SCAPER: variants seen among roughly 807,000 people sequenced by gnomAD.
SCAPER encodes the protein S phase cyclin A-associated protein in the endoplasmic reticulum.
SCAPER carries 98 observed loss-of-function variants against 182.2 expected under a neutral mutation model. That is an observed-to-expected ratio of 0.54 (90% CI 0.46 to 0.64). The LOEUF is 0.64. SCAPER is among the 30% of genes least tolerant of loss of function. The pLI, the probability that SCAPER is intolerant of heterozygous loss-of-function variation, is 0.00. For synonymous variants in SCAPER, 605 were observed against 564.6 expected, an observed-to-expected ratio of 1.07 and a Z score of -1.01; for missense variants, 1,432 against 1,690.0, an observed-to-expected ratio of 0.85 and a Z score of 2.68.
chr15:76,612,770 G>C (rs1225574798), intron 22 of SCAPER, among the ~76,000 whole-genome samples: 1 of 152,148 alleles, frequency 6.6e-6, no homozygotes, highest in Non-Finnish European at 1.5e-5. Context: ...AGAAATCAGA[G>C]ATGACACAAA....
At chr15:76,406,520 C>T (rs1358536865) in intron 26 of SCAPER, among the ~76,000 whole-genome samples, 3 of 151,708 alleles carry the variant, frequency 2.0e-5, no homozygotes, top group African/African-American at 4.8e-5. Flanking sequence ...AAGTAGCTTA[C>T]GCTTGTAATC....
At chr15:76,537,972 T>G (rs1033713403) in intron 23 of SCAPER, among the ~76,000 whole-genome samples, 3 of 151,712 alleles carry the variant, frequency 2.0e-5, no homozygotes, top group African/African-American at 7.3e-5. Flanking sequence ...AAAATGCTCA[T>G]CATCACTGGC....
chr15:76,404,252 G>A (rs1377023205), intron 27 of SCAPER, among the ~76,000 whole-genome samples: 1 of 152,110 alleles, frequency 6.6e-6, no homozygotes, highest in East Asian at 1.9e-4. Context: ...GATCTCAGTG[G>A]AAGAGGGACT....
intron 5 of SCAPER, among the ~76,000 whole-genome samples, chr15:76,815,574 G>A (rs2067007553): frequency 6.6e-6 from 1 of 152,176 alleles, no homozygotes; most frequent in Admixed American, 6.5e-5. Context: ...ATTGCTCCTA[G>A]GCTACAAACC....
chr15:76,879,543 CT>C (rs781445546), intron 2 of SCAPER, among the ~76,000 whole-genome samples: 3 of 152,144 alleles, frequency 2.0e-5, no homozygotes, highest in African/African-American at 7.2e-5. Context: ...TGCTAAGCAT[CT>C]AGGGATCATA....
At chr15:76,670,044 A>G (rs1567753009) in intron 20 of SCAPER, among the ~76,000 whole-genome samples, 1 of 152,206 alleles carries the variant, frequency 6.6e-6, no homozygotes, top group Admixed American at 6.5e-5. Context: ...ACATATTCAC[A>G]TACAAAACCA....
chr15:76,769,067 G>T (rs1419662619), intron 10 of SCAPER, among the ~76,000 whole-genome samples: 2 of 151,986 alleles, frequency 1.3e-5, no homozygotes, highest in African/African-American at 4.8e-5. Flanking sequence ...CTACAGAATG[G>T]AGAAAATTTT....
chr15:76,551,547 G>T (rs1327188471), intron 23 of SCAPER, among the ~76,000 whole-genome samples: 1 of 152,128 alleles, frequency 6.6e-6, no homozygotes, highest in Non-Finnish European at 1.5e-5. Flanking sequence ...TGGCTACTGG[G>T]GAGGGTAGCA....
At chr15:76,834,359 G>A (rs145378106) in intron 5 of SCAPER, among the ~76,000 whole-genome samples, 18 of 152,246 alleles carry the variant, frequency 1.2e-4, no homozygotes, top group African/African-American at 3.6e-4. Context: ...ATAGTAAGAG[G>A]AAAGTTTATA....
At chr15:76,517,190 C>G (rs1310819680) in intron 23 of SCAPER, among the ~76,000 whole-genome samples, 1 of 151,932 alleles carries the variant, frequency 6.6e-6, no homozygotes, top group African/African-American at 2.4e-5. Context: ...TTTATAAAAT[C>G]TTGGGCTACT....
chr15:76,668,791 G>T (rs1598046662), intron 20 of SCAPER, among the ~76,000 whole-genome samples: 1 of 152,234 alleles, frequency 6.6e-6, no homozygotes, highest in African/African-American at 2.4e-5. Context: ...CTGGCATATG[G>T]CAAGCACTCA....
At position 76,354,134 on chromosome 15, in the gene SCAPER, C is replaced by T. The variant is rs757819578; in HGVS notation, c.3862G>A (p.Val1288Met). Residue 1288 changes from valine (V) to methionine (M), a missense_variant, in exon 30 of 32, where the codon GTG (valine) becomes ATG (methionine). Around this residue, in one of 5 missense-constraint regions of SCAPER, gnomAD observed 718 missense variants for 799.7 expected, o/e 0.90. Transcript: ENST00000563290. The surrounding 1 kb of genome is among the most constrained non-coding windows in gnomAD (Gnocchi z 4.4). ...TVNHPDNQVI[V>M]QSGRHPTVLQ... Reference sequence around the variant, plus strand: ...ACTGTGGGGTGGCGGCCGGACTGCACGATCACCTGAAATGGAAGAGCAGCC... The same window carrying T: ...ACTGTGGGGTGGCGGCCGGACTGCATGATCACCTGAAATGGAAGAGCAGCC... 3.4e-5 allele frequency: 55 copies of T among 1,601,332 alleles called. 1 individual carries two copies. The South Asian group carries it at 5.4e-4, about 16-fold the overall frequency.
chr15:76,703,763 T>C (rs2059095336), intron 18 of SCAPER, among the ~76,000 whole-genome samples: 1 of 152,186 alleles, frequency 6.6e-6, no homozygotes, highest in Non-Finnish European at 1.5e-5. Flanking sequence ...GTTATGTACT[T>C]AGCATCTGAA....
At chr15:76,654,120 C>T (rs1219245983) in intron 21 of SCAPER, among the ~76,000 whole-genome samples, 1 of 152,104 alleles carries the variant, frequency 6.6e-6, no homozygotes, top group Non-Finnish European at 1.5e-5. Flanking sequence ...CACTAATAAT[C>T]AGAGAAATGC....
At chr15:76,683,030 C>T (rs1236789303) in intron 20 of SCAPER, among the ~76,000 whole-genome samples, 2 of 152,082 alleles carry the variant, frequency 1.3e-5, no homozygotes, top group African/African-American at 4.8e-5. Flanking sequence ...ATATTAGTTC[C>T]CCGGGAATGG....
At chr15:76,508,306 G>A (rs1033142401) in intron 23 of SCAPER, among the ~76,000 whole-genome samples, 1 of 152,038 alleles carries the variant, frequency 6.6e-6, no homozygotes, top group African/African-American at 2.4e-5. Flanking sequence ...TTATTTAAGT[G>A]TTTCACTGCT....
intron 23 of SCAPER, among the ~76,000 whole-genome samples, chr15:76,545,520 G>A (rs2045200934): frequency 6.6e-6 from 1 of 152,144 alleles, no homozygotes; most frequent in African/African-American, 2.4e-5. Context: ...TCTGGCCATT[G>A]AGAGTAACTG....
At chr15:76,764,283 G>A (rs1054238845) in intron 14 of SCAPER, among the ~76,000 whole-genome samples, 10 of 152,238 alleles carry the variant, frequency 6.6e-5, no homozygotes, top group African/African-American at 2.4e-4. Context: ...ATCAGTAACA[G>A]GGCAGTCCTC....
chr15:76,643,539 A>G (rs1456909079), intron 21 of SCAPER, among the ~76,000 whole-genome samples: 3 of 152,042 alleles, frequency 2.0e-5, no homozygotes, highest in Non-Finnish European at 4.4e-5. Flanking sequence ...AAAATTAGCC[A>G]GGCATGGTGG....
Sources: gnomAD v4.1 joint callset for allele counts (sites outside exome capture counted in the v4.1 genomes callset) on GRCh38, gnomAD v4.1.1 for gene constraint, gnomAD v4.1.1 regional missense constraint, Gnocchi (gnomAD v3.1) non-coding constraint, MANE v1.5 for transcripts, NCBI Gene and HGNC (gene_info 2026-07-23, HGNC 2026-07-21) for gene names.